Variants in PSD3 observed in about 807,000 individuals in gnomAD.
The protein encoded by PSD3 is PH and SEC7 domain-containing protein 3.
Under a neutral mutation model 105.5 loss-of-function variants are expected in PSD3, and 49 were observed. The observed-to-expected ratio is 0.46, with a 90% CI of 0.37 to 0.59. PSD3 has a LOEUF of 0.59. Among genes scored for constraint, PSD3 ranks in the 20% least tolerant of loss-of-function variants. The pLI is 0.00. For missense variants in PSD3, 1,561 were observed against 1,263.8 expected (o/e 1.24, Z -3.57); for synonymous variants, 557 against 457.8 (o/e 1.22, Z -2.77).
intron 4 of PSD3, among the ~76,000 whole-genome samples, chr8:18,861,359 C>T (rs990419848): frequency 9.9e-5 from 15 of 152,146 alleles, no homozygotes; most frequent in South Asian, 2.1e-4. Context: ...CTCACAGTCC[C>T]ATCCTCAGCC....
At chr8:18,696,294 C>T (rs145867778) in intron 9 of PSD3, among the ~76,000 whole-genome samples, 7 of 152,250 alleles carry the variant, frequency 4.6e-5, no homozygotes, top group African/African-American at 1.4e-4. Context: ...TCATACAGGC[C>T]GGAAACTTCA....
At chr8:18,628,713 G>T (rs556515310) in intron 11 of PSD3, among the ~76,000 whole-genome samples, 2 of 151,906 alleles carry the variant, frequency 1.3e-5, no homozygotes, top group African/African-American at 4.8e-5. Flanking sequence ...TTGCTATAAG[G>T]GTCTCAAACC....
chr8:18,919,569 G>A (rs1031400911), intron 2 of PSD3, among the ~76,000 whole-genome samples: 1 of 151,976 alleles, frequency 6.6e-6, no homozygotes. Context: ...TCGTTGGCTT[G>A]CAAGGTGGGG....
At chr8:18,608,174 C>T (rs1278580804) in intron 11 of PSD3, among the ~76,000 whole-genome samples, 1 of 152,022 alleles carries the variant, frequency 6.6e-6, no homozygotes, top group Non-Finnish European at 1.5e-5. Context: ...GAGCCATGAT[C>T]GTGCCACTGG....
intron 14 of PSD3, among the ~76,000 whole-genome samples, chr8:18,572,042 A>C (rs1802174841): frequency 6.6e-6 from 1 of 152,214 alleles, no homozygotes; most frequent in South Asian, 2.1e-4. Flanking sequence ...ATTAGCTTGG[A>C]AAATCCAAAT....
intron 14 of PSD3, among the ~76,000 whole-genome samples, chr8:18,563,762 C>A (rs1234777615): frequency 1.3e-5 from 2 of 152,016 alleles, no homozygotes; most frequent in Admixed American, 1.3e-4. Context: ...ACAATTAAGG[C>A]CACATCAAAG....
At chr8:18,632,479 C>T (rs1806973001) in intron 11 of PSD3, 134 bp downstream of exon 11, 1 of 941,594 alleles carries the variant, frequency 1.1e-6, no homozygotes, top group African/African-American at 1.7e-5. Context: ...GGGTTAGAGG[C>T]TTTATCCAAT....
intron 1 of PSD3, among the ~76,000 whole-genome samples, chr8:18,981,175 C>T (rs1488354494): frequency 1.3e-5 from 2 of 152,124 alleles, no homozygotes; most frequent in Non-Finnish European, 2.9e-5. Flanking sequence ...ACACTGCTAG[C>T]CCTCAGCACC....
chr8:18,795,046 A>G (rs1038292214), intron 8 of PSD3, among the ~76,000 whole-genome samples: 4 of 152,230 alleles, frequency 2.6e-5, no homozygotes, highest in Non-Finnish European at 4.4e-5. Context: ...TATAGATTAG[A>G]AAAGAAATAA....
intron 12 of PSD3, among the ~76,000 whole-genome samples, chr8:18,587,216 T>C (rs1803256028): frequency 1.3e-5 from 2 of 152,160 alleles, no homozygotes; most frequent in African/African-American, 4.8e-5. Context: ...ACACAGGTCC[T>C]GTGAGGAGGG....
chr8:18,748,031 T>C (rs577347493), intron 9 of PSD3, among the ~76,000 whole-genome samples: 2 of 152,196 alleles, frequency 1.3e-5, no homozygotes, highest in African/African-American at 2.4e-5. Flanking sequence ...CAAAGGCAAG[T>C]GAAATTGCTG....
chr8:18,725,596 G>A (rs1278374669), intron 9 of PSD3, among the ~76,000 whole-genome samples: 1 of 152,114 alleles, frequency 6.6e-6, no homozygotes, highest in East Asian at 1.9e-4. Flanking sequence ...AATGGAGTCA[G>A]TACATGTCCC....
chr8:18,572,438 A>G, intron 14 of PSD3, 90 bp downstream of exon 14: 1 of 1,496,438 alleles, frequency 6.7e-7, no homozygotes, highest in Non-Finnish European at 9.1e-7. Flanking sequence ...CCTGCCCCCA[A>G]AACATGGACT....
At chr8:18,589,905 T>C (rs574551561) in intron 12 of PSD3, among the ~76,000 whole-genome samples, 3 of 152,344 alleles carry the variant, frequency 2.0e-5, no homozygotes, top group South Asian at 4.1e-4. Context: ...ATGGTGATCC[T>C]TGCCTTCCGT....
chr8:19,030,833 G>A (rs1563519360), intron 1 of PSD3, among the ~76,000 whole-genome samples: 1 of 152,122 alleles, frequency 6.6e-6, no homozygotes, highest in Non-Finnish European at 1.5e-5. Flanking sequence ...CAGCCTTTGA[G>A]AGCGATCCTA....
intron 8 of PSD3, chr8:18,774,697 C>T (rs1442932648): frequency 1.1e-5 from 4 of 359,304 alleles, no homozygotes; most frequent in Non-Finnish European, 2.2e-5. Context: ...TATTTCTTGC[C>T]CTTGTAGAAC....
intron 14 of PSD3, among the ~76,000 whole-genome samples, chr8:18,569,459 AACAG>A (rs1425205229): frequency 1.3e-5 from 2 of 150,328 alleles, no homozygotes; most frequent in Non-Finnish European, 3.0e-5. Context: ...ATACACCAAC[AACAG>A]ACAAACAGAG....
intron 1 of PSD3, among the ~76,000 whole-genome samples, chr8:19,035,359 G>A (rs1197533839): frequency 3.9e-5 from 6 of 152,140 alleles, no homozygotes. Flanking sequence ...TGTTGGTAAA[G>A]CACTATGAAC....
intron 4 of PSD3, among the ~76,000 whole-genome samples, chr8:18,811,801 G>A (rs776066381): frequency 2.6e-5 from 4 of 152,158 alleles, no homozygotes; most frequent in Non-Finnish European, 5.9e-5. Context: ...AAATGGGCTT[G>A]TGGGATGGAG....
Sources: gnomAD v4.1 joint callset for allele counts (sites outside exome capture counted in the v4.1 genomes callset) on GRCh38, gnomAD v4.1.1 for gene constraint, MANE v1.5 for transcripts, NCBI Gene and HGNC (gene_info 2026-07-23, HGNC 2026-07-21) for gene names.